RBM19: variants seen among roughly 807,000 people sequenced by gnomAD.
RBM19 encodes probable RNA-binding protein 19.
A neutral mutation model predicts 116.8 loss-of-function variants in RBM19; 94 were observed. That is an observed-to-expected ratio of 0.80 (90% CI 0.68 to 0.95). The LOEUF is 0.95. RBM19 is among the 40% of genes least tolerant of loss of function. RBM19 has a pLI of 0.00. For missense variants in RBM19, 1,161 were observed against 1,220.7 expected (o/e 0.95, Z 0.73); for synonymous variants, 475 against 494.1 (o/e 0.96, Z 0.51).
chr12:113,874,701 G>A (rs1361362128), intron 21 of RBM19, among the ~76,000 whole-genome samples: 1 of 152,216 alleles, frequency 6.6e-6, no homozygotes, highest in African/African-American at 2.4e-5. Flanking sequence ...AGATGATGAT[G>A]GATAGGGAAG....
chr12:113,844,812 C>T (rs1195424460), intron 22 of RBM19, 24 bp from the exon 23 acceptor site: 1 of 1,597,114 alleles, frequency 6.3e-7, no homozygotes, highest in South Asian at 1.1e-5. Flanking sequence ...AGAAACGAAA[C>T]TGCACATCAG....
chr12:113,960,727 CCA>C (rs1872419757), intron 2 of RBM19, among the ~76,000 whole-genome samples: 1 of 152,120 alleles, frequency 6.6e-6, no homozygotes. Flanking sequence ...GCAGTGGCTA[CCA>C]CAGTTACCCC....
chr12:113,960,131 C>G lies in RBM19; in HGVS notation c.267G>C (p.Trp89Cys). 4 of 1,614,120 alleles carry G rather than the reference C, an allele frequency of 2.5e-6. No homozygotes were observed. Among genetic ancestry groups the G allele is most frequent in the Non-Finnish European group, 2.5e-6 (3 of 1,180,034 alleles). The change falls in exon 3 of 24, where the codon TGG becomes TGC. Residue 89 changes from tryptophan (W) to cysteine (C), a missense_variant. Physicochemically the swap from Trp to Cys is radical, Grantham distance 215. Coordinates refer to ENST00000261741, the MANE Select transcript of RBM19 (RefSeq NM_016196.4). ...GGCTTGGTTTCTGGGCATGTTTGCTCCAGGCTCTGGGTTTGGCCGGGTCCC... is the reference window on the plus strand; with the variant it reads ...GGCTTGGTTTCTGGGCATGTTTGCTGCAGGCTCTGGGTTTGGCCGGGTCCC... ...SFGDPAKPRA[W>C]SKHAQKPSQP...
At chr12:113,961,923 G>A (rs1027899935) in intron 2 of RBM19, among the ~76,000 whole-genome samples, 20 of 152,252 alleles carry the variant, frequency 1.3e-4, no homozygotes, top group African/African-American at 4.8e-4. Flanking sequence ...GGATGAGGTA[G>A]AGCTGTGGTT....
At position 113,856,047 on chromosome 12, in the gene RBM19, C is replaced by T. The variant is rs964760800; in HGVS notation, c.2664+2744G>A. ...TGGAAGACGAGTGCGTTCCATGGCA[C>T]AAGCCCCAGTGTGGGAGAGGGAAGT... is the stretch of plus-strand genomic sequence containing the variant. On this transcript the variant is annotated intron_variant, in intron 22 of 23. Transcript: ENST00000261741. Among the ~76,000 whole-genome samples the T allele has an allele frequency of 3.3e-5, 5 of 152,326 alleles. 1 individual carries two copies. In the East Asian group the frequency reaches 9.6e-4, roughly 29 times the overall value.
At chr12:113,958,362 T>C (rs1225664480) in intron 5 of RBM19, among the ~76,000 whole-genome samples, 3 of 152,196 alleles carry the variant, frequency 2.0e-5, no homozygotes, top group African/African-American at 7.2e-5. Context: ...GGTCAGTCTC[T>C]GCTTAATACC....
chr12:113,956,116 C>G (rs1049256883), intron 6 of RBM19, among the ~76,000 whole-genome samples: 2 of 152,108 alleles, frequency 1.3e-5, no homozygotes, highest in Admixed American at 6.5e-5. Flanking sequence ...GATTTGAACT[C>G]ATAATTCTGA....
intron 21 of RBM19, among the ~76,000 whole-genome samples, chr12:113,872,044 G>T (rs1352334069): frequency 2.1e-5 from 3 of 145,772 alleles, no homozygotes; most frequent in Non-Finnish European, 3.0e-5. Flanking sequence ...AGTGAGGAGC[G>T]TCTCCGCCCA....
intron 1 of RBM19, 28 bp from the exon 2 acceptor site, chr12:113,962,442 C>T (rs200161905): frequency 1.2e-4 from 184 of 1,598,588 alleles, no homozygotes; most frequent in Non-Finnish European, 1.4e-4. Flanking sequence ...GAATGAGAGA[C>T]GAACTGGAAA....
chr12:113,928,986 C>T (rs563958357), intron 16 of RBM19, among the ~76,000 whole-genome samples: 1 of 152,226 alleles, frequency 6.6e-6, no homozygotes, highest in Non-Finnish European at 1.5e-5. Flanking sequence ...ACCCCTCACC[C>T]TCAATGTTTC....
intron 22 of RBM19, among the ~76,000 whole-genome samples, chr12:113,858,488 T>A (rs1446997681): frequency 1.3e-5 from 2 of 152,178 alleles, no homozygotes; most frequent in African/African-American, 4.8e-5. Flanking sequence ...CTGAGGAATT[T>A]TCTTGATGAC....
At chr12:113,897,723 A>G (rs2135819261) in intron 21 of RBM19, among the ~76,000 whole-genome samples, 1 of 152,338 alleles carries the variant, frequency 6.6e-6, no homozygotes, top group East Asian at 1.9e-4. Context: ...ATACTGCACA[A>G]TCCTAGAGGC....
rs369751101 is a variant in RBM19, at chr12:113,915,097, G to T, written c.2442-12C>A. On this transcript the variant is annotated splice_polypyrimidine_tract_variant and intron_variant, in intron 20 of 23. Coordinates refer to ENST00000261741, the MANE Select transcript of RBM19 (RefSeq NM_016196.4). ...ATGTCACGGCTGGCCTGGAGTGGTG[G>T]GGGGAGAGGGTCCAAGTTATTCGGA... The T allele has an allele frequency of 3.0e-5, 49 of 1,607,406 alleles. No homozygotes were observed. The African/African-American group carries it at 6.0e-4, about 20-fold the overall frequency.
chr12:113,877,480 G>A (rs1253321639), intron 21 of RBM19, among the ~76,000 whole-genome samples: 1 of 152,214 alleles, frequency 6.6e-6, no homozygotes, highest in African/African-American at 2.4e-5. Flanking sequence ...CGGCCATGGT[G>A]AAACCTGGGG....
At chr12:113,949,573 G>A (rs1190395266) in intron 9 of RBM19, among the ~76,000 whole-genome samples, 2 of 152,118 alleles carry the variant, frequency 1.3e-5, no homozygotes, top group Non-Finnish European at 2.9e-5. Flanking sequence ...TTGATGGCTG[G>A]ATTCAAATCA....
At chr12:113,948,781 C>G (rs1417074047) in intron 10 of RBM19, 52 bp downstream of exon 10, 1 of 1,584,000 alleles carries the variant, frequency 6.3e-7, no homozygotes, top group East Asian at 2.2e-5. Flanking sequence ...AGAGTGAGAG[C>G]CCGGCTCCCA....
At chr12:113,844,894 G>A in intron 22 of RBM19, 106 bp from the exon 23 acceptor site, 1 of 1,443,498 alleles carries the variant, frequency 6.9e-7, no homozygotes, top group East Asian at 2.5e-5. Context: ...CAAAGCCCAG[G>A]TTCTGGCCCC....
At chr12:113,899,931 G>A (rs938219661) in intron 21 of RBM19, among the ~76,000 whole-genome samples, 3 of 152,174 alleles carry the variant, frequency 2.0e-5, no homozygotes, top group Admixed American at 2.0e-4. Flanking sequence ...GGCTCTGAAT[G>A]CAGACAGGGG....
chr12:113,930,463 G>A (rs908147205), intron 16 of RBM19, among the ~76,000 whole-genome samples: 1 of 152,200 alleles, frequency 6.6e-6, no homozygotes, highest in African/African-American at 2.4e-5. Context: ...GACCAGTAAT[G>A]GGCAGATCCC....
Sources: gnomAD v4.1 joint callset for allele counts (sites outside exome capture counted in the v4.1 genomes callset) on GRCh38, gnomAD v4.1.1 for gene constraint, MANE v1.5 for transcripts, NCBI Gene and HGNC (gene_info 2026-07-23, HGNC 2026-07-21) for gene names.